IRAK1BP1: variants seen among roughly 807,000 people sequenced by gnomAD.
IRAK1BP1 encodes interleukin-1 receptor-associated kinase 1-binding protein 1.
IRAK1BP1 carries 24 observed loss-of-function variants against 28.0 expected under a neutral mutation model. The observed-to-expected ratio is 0.86, with a 90% CI of 0.62 to 1.20. The LOEUF is 1.20. Among genes scored for constraint, IRAK1BP1 ranks in the 50% most tolerant of loss-of-function variants. IRAK1BP1 has a pLI of 0.00. For missense variants in IRAK1BP1, 336 were observed against 316.7 expected, an observed-to-expected ratio of 1.06 and a Z score of -0.46; for synonymous variants, 131 against 116.3, an observed-to-expected ratio of 1.13 and a Z score of -0.81.
chr6:78,943,274 T>C (rs961210329), intron 4 of IRAK1BP1, among the ~76,000 whole-genome samples: 2 of 152,202 alleles, frequency 1.3e-5, no homozygotes, highest in African/African-American at 4.8e-5. Context: ...ACACTGTTAA[T>C]GTTAACTAAT....
intron 4 of IRAK1BP1, among the ~76,000 whole-genome samples, chr6:78,920,115 G>A (rs1772682617): frequency 1.3e-5 from 2 of 152,082 alleles, no homozygotes; most frequent in Non-Finnish European, 2.9e-5. Flanking sequence ...TTAGCTGGGT[G>A]TGATTGTGCA....
At chr6:78,977,571 A>G in the IRAK1BP1 span, among the ~76,000 whole-genome samples, 1 of 141,300 alleles carries the variant, frequency 7.1e-6, no homozygotes, top group Non-Finnish European at 1.6e-5. Flanking sequence ...ATGATGGAAT[A>G]GTGCTGAATA....
chr6:78,899,823 A>C lies in IRAK1BP1; in HGVS notation c.*1489A>C, dbSNP rs559391285. 6.6e-6 allele frequency: 1 copy of C among 152,242 alleles called. No individual in the cohort carries two copies. Among genetic ancestry groups the C allele is most frequent in the Non-Finnish European group, 1.5e-5 (1 of 68,032 alleles). 9.4% of individuals were successfully genotyped at this position (152,242 alleles called of 1,614,324 possible). ...TTAATAACATTTTATTTAACCAAAT[A>C]TATCAAAAATATTATTTCAGCATGT... is the stretch of plus-strand genomic sequence containing the variant. On this transcript the variant is annotated 3_prime_UTR_variant, in exon 4 of 4. Transcript: ENST00000369940.
At chr6:78,958,455 C>T in the IRAK1BP1 span, 1 of 1,337,828 alleles carries the variant, frequency 7.5e-7, no homozygotes, top group Non-Finnish European at 1.1e-6. Flanking sequence ...ATCATAATTA[C>T]ATATGAAAAG....
chr6:78,947,558 T>G, downstream of IRAK1BP1: 1 of 742,670 alleles, frequency 1.3e-6, no homozygotes, highest in East Asian at 2.8e-5. Flanking sequence ...TAAAGCAACA[T>G]TTAGTCATTT....
At chr6:78,891,491 C>A (rs910642657) in intron 2 of IRAK1BP1, among the ~76,000 whole-genome samples, 1 of 147,334 alleles carries the variant, frequency 6.8e-6, no homozygotes. Context: ...GACGAAGTCT[C>A]ACTCTTGTCA....
intron 4 of IRAK1BP1, chr6:78,937,597 A>T (rs775021321): frequency 1.5e-4 from 23 of 151,724 alleles, no homozygotes; most frequent in Non-Finnish European, 3.1e-4. Flanking sequence ...ATTTACTTGG[A>T]TTGGAGGAAG....
At chr6:78,970,186 G>C in the IRAK1BP1 span, 7 of 1,605,532 alleles carry the variant, frequency 4.4e-6, no homozygotes, top group Admixed American at 1.7e-5. Context: ...GAGAGAGACA[G>C]AGAATATAAG....
intron 4 of IRAK1BP1, chr6:78,936,657 T>C (rs1773280997): frequency 6.6e-6 from 1 of 151,756 alleles, no homozygotes; most frequent in South Asian, 2.1e-4. Flanking sequence ...AAACTAAAAA[T>C]AATATCTATT....
intron 1 of IRAK1BP1, among the ~76,000 whole-genome samples, chr6:78,870,251 A>C (rs1006484672): frequency 1.8e-4 from 27 of 151,992 alleles, no homozygotes; most frequent in Non-Finnish European, 2.9e-4. Context: ...TGTCTCAAAA[A>C]AAAAAAGAAA....
At chr6:78,977,854 T>A in the IRAK1BP1 span, among the ~76,000 whole-genome samples, 1 of 152,134 alleles carries the variant, frequency 6.6e-6, no homozygotes, top group Non-Finnish European at 1.5e-5. Flanking sequence ...CATTAAAAAG[T>A]TTTTGTTTTC....
chr6:78,912,264 C>G (rs1190372459), intron 4 of IRAK1BP1, among the ~76,000 whole-genome samples: 1 of 151,926 alleles, frequency 6.6e-6, no homozygotes, highest in African/African-American at 2.4e-5. Context: ...GAATAGAGAG[C>G]AAAGAGGGAC....
chr6:78,871,251 T>C lies in IRAK1BP1; in HGVS notation c.315+3360T>C. 4 of 984,964 alleles carry C rather than the reference T, an allele frequency of 4.1e-6. No individual in the cohort carries two copies. In the South Asian group the frequency reaches 1.9e-4, roughly 46 times the overall value. 61.0% of individuals were successfully genotyped at this position (984,964 alleles called of 1,614,324 possible). A position where few individuals can be genotyped will look rare whatever the true frequency, so the allele number is the denominator to read the frequency against. ...CTGTAGGCATAAAATGACCTCACAATGTCTGGTCCTCCCTCACAAAAGTGT... is the reference window on the plus strand; with the variant it reads ...CTGTAGGCATAAAATGACCTCACAACGTCTGGTCCTCCCTCACAAAAGTGT... On this transcript the variant is annotated intron_variant, in intron 1 of 3. Coordinates refer to ENST00000369940, the MANE Select transcript of IRAK1BP1 (RefSeq NM_001010844.4).
intron 4 of IRAK1BP1, among the ~76,000 whole-genome samples, chr6:78,943,004 T>C (rs1470653844): frequency 6.6e-6 from 1 of 152,230 alleles, no homozygotes; most frequent in Non-Finnish European, 1.5e-5. Flanking sequence ...TGAAAAGTTA[T>C]GCAGCTTAGG....
chr6:78,919,614 G>A (rs571349365), intron 4 of IRAK1BP1, among the ~76,000 whole-genome samples: 26 of 152,228 alleles, frequency 1.7e-4, no homozygotes, highest in Non-Finnish European at 3.1e-4. Context: ...TAAATTCCTG[G>A]AAATACAACC....
chr6:78,921,873 C>T (rs957895718), intron 4 of IRAK1BP1, among the ~76,000 whole-genome samples: 5 of 152,082 alleles, frequency 3.3e-5, no homozygotes, highest in Non-Finnish European at 5.9e-5. Flanking sequence ...CCTGACTGTT[C>T]GAAGGAAAAC....
the IRAK1BP1 span, among the ~76,000 whole-genome samples, chr6:78,953,114 G>A: frequency 6.6e-6 from 1 of 151,750 alleles, no homozygotes; most frequent in Non-Finnish European, 1.5e-5. Context: ...CTACACAAGG[G>A]TGGTGCAAAT....
At chr6:78,940,238 A>G (rs796223927) in intron 4 of IRAK1BP1, 11 of 152,054 alleles carry the variant, frequency 7.2e-5, no homozygotes, top group African/African-American at 2.6e-4. Context: ...TATAACATCT[A>G]TCTTTTAGGG....
chr6:78,934,859 C>T (rs181751703), intron 4 of IRAK1BP1, among the ~76,000 whole-genome samples: 1 of 152,328 alleles, frequency 6.6e-6, no homozygotes, highest in East Asian at 1.9e-4. Context: ...GTTCATTACA[C>T]TGTGCTGCCA....
Sources: allele counts gnomAD v4.1 joint callset (sites outside exome capture counted in the v4.1 genomes callset), GRCh38; gene constraint gnomAD v4.1.1; transcripts MANE v1.5; gene names NCBI Gene and HGNC (gene_info 2026-07-23, HGNC 2026-07-21).